ZNF608: variants seen among roughly 807,000 people sequenced by gnomAD.
ZNF608 encodes the protein renal carcinoma antigen NY-REN-36.
ZNF608 carries 12 observed loss-of-function variants against 109.0 expected under a neutral mutation model. The ratio of observed to expected loss-of-function variants is 0.11; its 90% CI spans 0.07 to 0.18. The LOEUF is 0.18. ZNF608 is among the 10% of genes least tolerant of loss of function. The pLI is 1.00. For synonymous variants in ZNF608, 732 were observed against 717.4 expected (o/e 1.02, Z -0.33); for missense variants, 1,707 against 1,879.3 (o/e 0.91, Z 1.70).
At position 124,745,078 on chromosome 5, in the gene ZNF608, CAAAG is replaced by C; in HGVS notation, c.-93_-90del. 1 of 1,484,782 alleles carries C rather than the reference CAAAG, an allele frequency of 6.7e-7. No homozygotes were observed. The highest frequency in any genetic ancestry group is 8.9e-7 in the Non-Finnish European group (1 of 1,127,400). The allele number at this position is 1,484,782 out of a possible 1,614,324, so 92.0% of individuals were successfully genotyped here. Reference sequence around the variant, plus strand: ...CGTTTATCTCCGCTGGGCTTTCTCTCAAAGAAAAAAAAAATCTTCTAATCTTCCT... The same window carrying C: ...CGTTTATCTCCGCTGGGCTTTCTCTCAAAAAAAAAATCTTCTAATCTTCCT... On this transcript the variant is annotated 5_prime_UTR_variant, in exon 2 of 10. Transcript: ENST00000513986.
chr5:124,735,399 G>A (rs1012344198), intron 2 of ZNF608, among the ~76,000 whole-genome samples: 2 of 152,162 alleles, frequency 1.3e-5, no homozygotes, highest in Admixed American at 1.3e-4. Flanking sequence ...CGTCGGGAAC[G>A]CGCAGCCCCG....
chr5:124,655,180 T>C (rs989884289), intron 3 of ZNF608, among the ~76,000 whole-genome samples: 12 of 152,270 alleles, frequency 7.9e-5, no homozygotes, highest in African/African-American at 2.7e-4. Context: ...GTTTTATAGA[T>C]GATAGACATT....
At chr5:124,742,334 G>T (rs1489466383) in intron 2 of ZNF608, among the ~76,000 whole-genome samples, 1 of 152,182 alleles carries the variant, frequency 6.6e-6, no homozygotes, top group East Asian at 1.9e-4. Flanking sequence ...AAAAGGCTAA[G>T]GGGAATGCAA....
At chr5:124,704,221 G>A (rs1753167776) in intron 2 of ZNF608, among the ~76,000 whole-genome samples, 2 of 152,134 alleles carry the variant, frequency 1.3e-5, no homozygotes, top group African/African-American at 2.4e-5. Context: ...AGGCTTTTAA[G>A]GCTTAAACCT....
Position 124,644,239 on chromosome 5 carries a change from C to T in ZNF608, c.4123+5G>A. 1 of 1,597,674 alleles carries T rather than the reference C, an allele frequency of 6.3e-7. No homozygotes were observed. The highest frequency in any genetic ancestry group is 8.6e-7 in the Non-Finnish European group (1 of 1,167,574). ...TCCAATATAGTCAGAACCGACAACA[C>T]GTACCAGGATAACTGTGCATTAGGA... On this transcript the variant is annotated splice_donor_5th_base_variant and intron_variant, in intron 6 of 9. Transcript: ENST00000513986.
chr5:124,691,227 G>C (rs529596044), intron 3 of ZNF608, among the ~76,000 whole-genome samples: 2 of 152,000 alleles, frequency 1.3e-5, no homozygotes, highest in South Asian at 4.2e-4. Flanking sequence ...CTCCAGGCTG[G>C]GTGACATAGC....
At chr5:124,698,547 G>T (rs144430972) in intron 3 of ZNF608, among the ~76,000 whole-genome samples, 2 of 152,312 alleles carry the variant, frequency 1.3e-5, no homozygotes, top group South Asian at 4.2e-4. Context: ...CTATCAGTCC[G>T]CTGTACGAAT....
intron 3 of ZNF608, among the ~76,000 whole-genome samples, chr5:124,681,623 T>A (rs1346311552): frequency 6.6e-6 from 1 of 152,144 alleles, no homozygotes; most frequent in African/African-American, 2.4e-5. Context: ...GGCACATGAC[T>A]GTTAAGTCCC....
chr5:124,673,385 G>A (rs1445327001), intron 3 of ZNF608, among the ~76,000 whole-genome samples: 2 of 152,126 alleles, frequency 1.3e-5, no homozygotes, highest in African/African-American at 2.4e-5. Context: ...CTAGTTGGTG[G>A]ATTAAGCAGT....
At position 124,637,076 on chromosome 5, in the gene ZNF608, G is replaced by A. The variant is rs545139633; in HGVS notation, c.*824C>T. ...GTTAAAGTCTCTCTCTTCTAAAACTGGATAATTGTAAACATTAAAAAAAAA... is the reference window on the plus strand; with the variant it reads ...GTTAAAGTCTCTCTCTTCTAAAACTAGATAATTGTAAACATTAAAAAAAAA... On this transcript the variant is annotated 3_prime_UTR_variant, in exon 10 of 10. Coordinates refer to ENST00000513986, the MANE Select transcript of ZNF608 (RefSeq NM_020747.3). 2 of 133,582 alleles carry A rather than the reference G, an allele frequency of 1.5e-5. No individual in the cohort carries two copies. The highest frequency in any genetic ancestry group is 4.6e-4 in the East Asian group (2 of 4,354). The allele number at this position is 133,582 out of a possible 1,614,324, so 8.3% of individuals were successfully genotyped here.
chr5:124,715,172 A>C (rs1753643081), intron 2 of ZNF608, among the ~76,000 whole-genome samples: 1 of 152,212 alleles, frequency 6.6e-6, no homozygotes, highest in Non-Finnish European at 1.5e-5. Flanking sequence ...CTCTATGAAA[A>C]TGGTCTCAAA....
At chr5:124,687,440 A>AAT (rs147029046) in intron 3 of ZNF608, among the ~76,000 whole-genome samples, 4,475 of 152,272 alleles carry the variant, frequency 0.029, 161 homozygotes, top group East Asian at 0.13. Flanking sequence ...AAGAGTCTCA[A>AAT]ATATATATAT....
chr5:124,729,283 G>A (rs541831549), intron 2 of ZNF608, among the ~76,000 whole-genome samples: 29 of 152,316 alleles, frequency 1.9e-4, no homozygotes, highest in Non-Finnish European at 1.2e-4. Context: ...GCTGCAGTTT[G>A]GGAAGAACAG....
chr5:124,659,041 T>A (rs1561542372), intron 3 of ZNF608, among the ~76,000 whole-genome samples: 1 of 152,090 alleles, frequency 6.6e-6, no homozygotes, highest in African/African-American at 2.4e-5. Flanking sequence ...GAAACAGCTT[T>A]CACTTACTCC....
chr5:124,736,750 T>G (rs1166173756), intron 2 of ZNF608, among the ~76,000 whole-genome samples: 1 of 152,198 alleles, frequency 6.6e-6, no homozygotes, highest in Non-Finnish European at 1.5e-5. Flanking sequence ...ACCAGGAGTT[T>G]TCTTTAATCA....
chr5:124,716,142 C>CA (rs1232356378), intron 2 of ZNF608, among the ~76,000 whole-genome samples: 5,132 of 73,598 alleles, frequency 0.07, 198 homozygotes, highest in East Asian at 0.2. Context: ...GAATCCGTCT[C>CA]AAAAAAAAAA....
chr5:124,694,975 G>A (rs1411585638), intron 3 of ZNF608, among the ~76,000 whole-genome samples: 1 of 152,138 alleles, frequency 6.6e-6, no homozygotes, highest in Non-Finnish European at 1.5e-5. Flanking sequence ...CAGCCCCTCA[G>A]AACTTCTGTA....
chr5:124,640,289 T>C (rs764103543), intron 8 of ZNF608, among the ~76,000 whole-genome samples: 6 of 152,174 alleles, frequency 3.9e-5, no homozygotes, highest in African/African-American at 1.2e-4. Flanking sequence ...GTGATTAGAT[T>C]TGGAGATGGG....
rs529647620 is a variant in ZNF608, at chr5:124,728,548, A to G, written c.906+15536T>C. Among the ~76,000 whole-genome samples the G allele has an allele frequency of 7.9e-5, 12 of 152,274 alleles. No homozygotes were observed. In the South Asian group the frequency reaches 2.5e-3, roughly 32 times the overall value. On this transcript the variant is annotated intron_variant, in intron 2 of 9. Transcript: ENST00000513986. Reference sequence around the variant, plus strand: ...GATTTTCCATAATCTGAAAATCACTATCCCAACATGTCTGGCCTTCTGCTT... The same window carrying G: ...GATTTTCCATAATCTGAAAATCACTGTCCCAACATGTCTGGCCTTCTGCTT...
Sources: allele counts gnomAD v4.1 joint callset (sites outside exome capture counted in the v4.1 genomes callset), GRCh38; gene constraint gnomAD v4.1.1; transcripts MANE v1.5; gene names NCBI Gene and HGNC (gene_info 2026-07-23, HGNC 2026-07-21).